The following COMMD1 variants were observed in gnomAD, a reference collection of about 807,000 sequenced individuals.
The protein encoded by COMMD1 is copper metabolism domain containing 1.
Under a neutral mutation model 17.2 loss-of-function variants are expected in COMMD1, and 10 were observed. The ratio of observed to expected loss-of-function variants is 0.58; its 90% CI spans 0.36 to 0.99. The LOEUF (loss-of-function observed/expected upper bound fraction) is 0.99. Among genes scored for constraint, COMMD1 ranks in the 50% least tolerant of loss-of-function variants. COMMD1 has a pLI of 0.01. For missense variants in COMMD1, 270 were observed against 231.8 expected, an observed-to-expected ratio of 1.17 and a Z score of -1.07; for synonymous variants, 97 against 91.6, an observed-to-expected ratio of 1.06 and a Z score of -0.34.
chr2:62,114,786 C>A (rs1475002364), intron 2 of COMMD1, among the ~76,000 whole-genome samples: 2 of 152,166 alleles, frequency 1.3e-5, no homozygotes, highest in Admixed American at 6.5e-5. Flanking sequence ...CTCTGGTATT[C>A]TTCCACTAGC....
Position 61,985,165 on chromosome 2 carries a change from C to T in COMMD1, c.181-15536C>T, listed in dbSNP as rs1163319541. ...TCCCAGGTTAATGCCATTCTCCTGC[C>T]TCAGCCTCCCGAGTAGCTGGGACTA... On this transcript the variant is annotated intron_variant, in intron 1 of 2. Transcript: ENST00000311832. 2.6e-5 allele frequency among the ~76,000 whole-genome samples: 4 copies of T among 152,022 alleles called. No homozygotes were observed. In the East Asian group the frequency reaches 5.8e-4, roughly 22 times the overall value.
chr2:62,094,749 A>C (rs1326940540), intron 2 of COMMD1, among the ~76,000 whole-genome samples: 1 of 152,210 alleles, frequency 6.6e-6, no homozygotes, highest in Non-Finnish European at 1.5e-5. Context: ...TTGAGTTTAC[A>C]AATATGCTTA....
chr2:61,952,591 C>T (rs1426747533), intron 1 of COMMD1, among the ~76,000 whole-genome samples: 1 of 152,182 alleles, frequency 6.6e-6, no homozygotes, highest in Non-Finnish European at 1.5e-5. Flanking sequence ...AACCAGTCAG[C>T]AGCACTCATT....
chr2:61,911,808 T>G (rs1669915058), intron 1 of COMMD1, among the ~76,000 whole-genome samples: 3 of 152,206 alleles, frequency 2.0e-5, no homozygotes, highest in African/African-American at 2.4e-5. Context: ...ACATCAAACT[T>G]AGAATAAAAT....
intron 2 of COMMD1, among the ~76,000 whole-genome samples, chr2:62,091,008 C>T (rs62149948): frequency 0.012 from 1,875 of 152,310 alleles, 15 homozygotes; most frequent in Non-Finnish European, 0.021. Flanking sequence ...TCTCCATAAG[C>T]GTGGTGGACC....
At chr2:62,056,401 G>A (rs1670701041) in intron 2 of COMMD1, among the ~76,000 whole-genome samples, 1 of 152,156 alleles carries the variant, frequency 6.6e-6, no homozygotes, top group Non-Finnish European at 1.5e-5. Flanking sequence ...AGCCACTCCA[G>A]AGATTTCTTT....
At chr2:62,045,672 C>T (rs1670362093) in intron 2 of COMMD1, among the ~76,000 whole-genome samples, 1 of 146,202 alleles carries the variant, frequency 6.8e-6, no homozygotes, top group Non-Finnish European at 1.5e-5. Flanking sequence ...AAAGTGCTGG[C>T]ATTGCAGGTG....
chr2:61,979,636 G>A (rs1478356383), intron 1 of COMMD1, among the ~76,000 whole-genome samples: 1 of 152,068 alleles, frequency 6.6e-6, no homozygotes, highest in Non-Finnish European at 1.5e-5. Flanking sequence ...ACTCCAAACT[G>A]TTTTCCATAG....
At chr2:62,061,993 A>T (rs2103941233) in intron 2 of COMMD1, among the ~76,000 whole-genome samples, 1 of 151,636 alleles carries the variant, frequency 6.6e-6, no homozygotes, top group African/African-American at 2.4e-5. Flanking sequence ...GCAAAAAAAA[A>T]AAAAAAACAG....
At chr2:62,027,621 TTTATG>T (rs56724339) in intron 2 of COMMD1, among the ~76,000 whole-genome samples, 91,457 of 146,546 alleles carry the variant, frequency 0.62, 28,639 homozygotes, top group Middle Eastern at 0.72. Flanking sequence ...TATGCCTTAA[TTTATG>T]TTATGTTATG....
chr2:62,041,635 C>A (rs111640565), intron 2 of COMMD1, among the ~76,000 whole-genome samples: 1 of 152,184 alleles, frequency 6.6e-6, no homozygotes. Context: ...AAGCCATCTG[C>A]CTCCCTGTCC....
chr2:62,095,775 G>T (rs1671983759), intron 2 of COMMD1, among the ~76,000 whole-genome samples: 1 of 84,482 alleles, frequency 1.2e-5, no homozygotes, highest in African/African-American at 6.8e-5. Flanking sequence ...AAAAAAAATG[G>T]TTTATGTTGT....
intron 2 of COMMD1, among the ~76,000 whole-genome samples, chr2:62,101,450 A>C (rs1672174995): frequency 6.6e-6 from 1 of 152,088 alleles, no homozygotes; most frequent in Admixed American, 6.5e-5. Context: ...CTCTACAAAA[A>C]ATTTAAAAAA....
intron 1 of COMMD1, among the ~76,000 whole-genome samples, chr2:61,954,973 C>G (rs1671159637): frequency 1.3e-5 from 2 of 152,140 alleles, no homozygotes; most frequent in African/African-American, 4.8e-5. Context: ...CCATGCCCAG[C>G]CTGATAAAGG....
intron 2 of COMMD1, among the ~76,000 whole-genome samples, chr2:62,037,953 C>T (rs774577036): frequency 4.6e-5 from 7 of 152,244 alleles, no homozygotes; most frequent in East Asian, 1.9e-4. Flanking sequence ...AGAACTAATT[C>T]GGTCTGCCTC....
intron 1 of COMMD1, among the ~76,000 whole-genome samples, chr2:61,928,020 C>T (rs904520953): frequency 1.3e-5 from 2 of 151,826 alleles, no homozygotes; most frequent in Non-Finnish European, 2.9e-5. Context: ...CCTCCTCAGC[C>T]TCCTGAAGTG....
intron 1 of COMMD1, among the ~76,000 whole-genome samples, chr2:61,988,191 G>A (rs1672155086): frequency 6.6e-6 from 1 of 152,108 alleles, no homozygotes; most frequent in African/African-American, 2.4e-5. Flanking sequence ...GGAAGATAAA[G>A]TCCCCTTTAT....
rs995557595 is a variant in COMMD1, at chr2:62,016,729, A to G, written c.462+15747A>G. On this transcript the variant is annotated intron_variant, in intron 2 of 2. Transcript: ENST00000311832. ...AAAGTTTTAAATTTTGATGTGGTCC[A>G]GTTTATTTTTACTTTTGTTGCCTGT... Among the ~76,000 whole-genome samples the G allele has an allele frequency of 1.3e-4, 20 of 152,230 alleles. No homozygotes were observed. The East Asian group carries it at 1.4e-3, about 10-fold the overall frequency.
chr2:62,016,291 C>T (rs1669446909), intron 2 of COMMD1, among the ~76,000 whole-genome samples: 1 of 150,148 alleles, frequency 6.7e-6, no homozygotes, highest in Non-Finnish European at 1.5e-5. Flanking sequence ...TCACTGCAAC[C>T]TCTGCCTCCC....
Sources: allele counts gnomAD v4.1 joint callset (sites outside exome capture counted in the v4.1 genomes callset), GRCh38; gene constraint gnomAD v4.1.1; transcripts MANE v1.5; gene names NCBI Gene and HGNC (gene_info 2026-07-23, HGNC 2026-07-21).